PDE4D: variants seen among roughly 807,000 people sequenced by gnomAD.
PDE4D encodes 3',5'-cyclic-AMP phosphodiesterase 4D.
PDE4D carries 24 observed loss-of-function variants against 87.4 expected under a neutral mutation model. That is an observed-to-expected ratio of 0.27 (90% CI 0.20 to 0.39). The LOEUF (loss-of-function observed/expected upper bound fraction) is 0.39. Among genes scored for constraint, PDE4D ranks in the 10% least tolerant of loss-of-function variants. The pLI, the probability that PDE4D is intolerant of heterozygous loss-of-function variation, is 1.00. For missense variants in PDE4D, 714 were observed against 1,041.0 expected, an observed-to-expected ratio of 0.69 and a Z score of 4.32; for synonymous variants, 384 against 383.2, an observed-to-expected ratio of 1.00 and a Z score of -0.02.
chr5:60,319,391 C>T (rs1329814119), intron 1 of PDE4D, among the ~76,000 whole-genome samples: 1 of 152,132 alleles, frequency 6.6e-6, no homozygotes, highest in Non-Finnish European at 1.5e-5. Context: ...TTCGTCTTAT[C>T]GTTTTTCAAG....
intron 1 of PDE4D, among the ~76,000 whole-genome samples, chr5:60,239,499 T>C (rs1407224708): frequency 6.6e-6 from 1 of 152,166 alleles, no homozygotes; most frequent in African/African-American, 2.4e-5. Context: ...GTGTGAGCTC[T>C]TATTAGAATT....
At chr5:59,815,215 G>A (rs772328823) in intron 1 of PDE4D, among the ~76,000 whole-genome samples, 4 of 152,158 alleles carry the variant, frequency 2.6e-5, no homozygotes, top group South Asian at 2.1e-4. Flanking sequence ...GGGAGACCTC[G>A]GTTGGGAAAA....
rs142547721 is a variant in PDE4D, at chr5:60,458,580, T to C, written c.-90+29362A>G. Reference sequence around the variant, plus strand: ...CTAAGAAATTCTCCCTTGGGCTTGATAGAAGAGAATTAAAATATATCTGGA... The same window carrying C: ...CTAAGAAATTCTCCCTTGGGCTTGACAGAAGAGAATTAAAATATATCTGGA... On this transcript the variant is annotated intron_variant, in intron 1 of 16. Transcript: ENST00000502484. Among the ~76,000 whole-genome samples, 188 of 152,224 alleles carry C rather than the reference T, an allele frequency of 1.2e-3. 1 individual carries two copies. Among genetic ancestry groups the C allele is most frequent in the African/African-American group, 4.5e-3 (185 of 41,554 alleles).
At chr5:59,666,702 T>G (rs560961878) in intron 1 of PDE4D, among the ~76,000 whole-genome samples, 1 of 152,204 alleles carries the variant, frequency 6.6e-6, no homozygotes, top group Admixed American at 6.5e-5. Flanking sequence ...AGTAAGCAAC[T>G]GAATTGTAAA....
At chr5:60,451,954 C>T (rs896014434) in intron 1 of PDE4D, among the ~76,000 whole-genome samples, 6 of 151,976 alleles carry the variant, frequency 3.9e-5, no homozygotes, top group Admixed American at 3.9e-4. Context: ...TAATAAAGAC[C>T]TCTTCTACCT....
chr5:59,084,163 A>T (rs1358941407), intron 5 of PDE4D, among the ~76,000 whole-genome samples: 2 of 152,084 alleles, frequency 1.3e-5, no homozygotes, highest in Non-Finnish European at 2.9e-5. Flanking sequence ...TAGAAATAGG[A>T]TGTAAAGATT....
chr5:60,054,713 A>G (rs1174812994), intron 2 of PDE4D, among the ~76,000 whole-genome samples: 1 of 152,138 alleles, frequency 6.6e-6, no homozygotes, highest in Non-Finnish European at 1.5e-5. Flanking sequence ...ACTAAAGGAT[A>G]GTCATCAAGA....
chr5:60,146,090 T>C (rs931450645), intron 2 of PDE4D, among the ~76,000 whole-genome samples: 1 of 152,158 alleles, frequency 6.6e-6, no homozygotes, highest in Non-Finnish European at 1.5e-5. Context: ...GGCGTGCGCC[T>C]ATAGTCCCAG....
chr5:60,178,058 TACTA>T (rs1784080776), intron 2 of PDE4D, among the ~76,000 whole-genome samples: 1 of 152,162 alleles, frequency 6.6e-6, no homozygotes, highest in Non-Finnish European at 1.5e-5. Flanking sequence ...CAGAGTATGA[TACTA>T]ACAATACAAA....
At position 59,212,508 on chromosome 5, in the gene PDE4D, A is replaced by G. The variant is rs76656787; in HGVS notation, c.647+3269T>C. On this transcript the variant is annotated intron_variant, in intron 2 of 14. Transcript: ENST00000340635. The stretch of plus-strand genomic sequence containing the variant: ...CCTACCTGAGTCTGATCAGATAAAG[A>G]ACTCTTGAGGCACACAGCAAAATGA... 5.3e-5 allele frequency among the ~76,000 whole-genome samples: 8 copies of G among 152,208 alleles called. No individual in the cohort carries two copies. The East Asian group carries it at 1.5e-3, about 29-fold the overall frequency.
intron 1 of PDE4D, among the ~76,000 whole-genome samples, chr5:59,504,105 C>T (rs1808806045): frequency 2.0e-5 from 3 of 151,252 alleles, no homozygotes; most frequent in Admixed American, 1.3e-4. Context: ...TAAAAATATG[C>T]AATCAATAAA....
chr5:60,343,499 T>C (rs1758487190), intron 1 of PDE4D, among the ~76,000 whole-genome samples: 1 of 152,184 alleles, frequency 6.6e-6, no homozygotes, highest in Admixed American at 6.5e-5. Context: ...TAAGCACATA[T>C]CTTCCAGGCA....
intron 2 of PDE4D, among the ~76,000 whole-genome samples, chr5:60,154,798 C>T (rs1209595053): frequency 2.6e-5 from 4 of 152,144 alleles, no homozygotes; most frequent in Admixed American, 2.6e-4. Context: ...AATACTTTTG[C>T]CTGTTTTTGC....
intron 1 of PDE4D, among the ~76,000 whole-genome samples, chr5:60,316,480 T>C (rs920215968): frequency 2.0e-5 from 3 of 152,304 alleles, no homozygotes; most frequent in African/African-American, 4.8e-5. Context: ...CCTTTATTTC[T>C]TTCTCCTGCC....
intron 1 of PDE4D, among the ~76,000 whole-genome samples, chr5:59,276,879 A>T (rs1046084354): frequency 6.6e-6 from 1 of 152,040 alleles, no homozygotes; most frequent in Non-Finnish European, 1.5e-5. Context: ...ATTACAGTAG[A>T]TATAATCTAA....
intron 2 of PDE4D, among the ~76,000 whole-genome samples, chr5:60,126,368 T>G (rs1379331190): frequency 6.6e-6 from 1 of 151,990 alleles, no homozygotes; most frequent in East Asian, 1.9e-4. Context: ...AATCTACTTA[T>G]TTTTTTTCAT....
chr5:59,408,091 A>G (rs964531816), intron 1 of PDE4D, among the ~76,000 whole-genome samples: 10 of 152,206 alleles, frequency 6.6e-5, no homozygotes, highest in Non-Finnish European at 1.2e-4. Context: ...AATGGGAAAA[A>G]GGCCTTTACA....
At chr5:60,210,342 C>T (rs1380718287) in intron 1 of PDE4D, among the ~76,000 whole-genome samples, 1 of 151,642 alleles carries the variant, frequency 6.6e-6, no homozygotes, top group Non-Finnish European at 1.5e-5. Flanking sequence ...AGAGATGTCT[C>T]ATTTGTTTTT....
At chr5:59,219,193 A>AT (rs1751922331) in intron 1 of PDE4D, among the ~76,000 whole-genome samples, 1 of 143,780 alleles carries the variant, frequency 7.0e-6, no homozygotes, top group South Asian at 2.3e-4. Flanking sequence ...TTAAAGTATA[A>AT]TTAAAAAAAA....
Sources: allele counts gnomAD v4.1 joint callset (sites outside exome capture counted in the v4.1 genomes callset), GRCh38; gene constraint gnomAD v4.1.1; transcripts MANE v1.5; gene names NCBI Gene and HGNC (gene_info 2026-07-23, HGNC 2026-07-21).